The following CECR2 variants were observed in gnomAD, a reference collection of about 807,000 sequenced individuals.
CECR2 encodes CECR2 histone acetyl-lysine reader.
A neutral mutation model predicts 154.5 loss-of-function variants in CECR2; 30 were observed. The ratio of observed to expected loss-of-function variants is 0.19; its 90% confidence interval spans 0.15 to 0.26. The LOEUF is 0.26. Among genes scored for constraint, CECR2 ranks in the 10% least tolerant of loss-of-function variants. CECR2 has a pLI of 1.00. For missense variants in CECR2, 1,743 were observed against 1,829.3 expected, an observed-to-expected ratio of 0.95 and a Z score of 0.86; for synonymous variants, 725 against 683.7, an observed-to-expected ratio of 1.06 and a Z score of -0.94.
At chr22:17,450,911 T>C (rs1350622861) in intron 1 of CECR2, among the ~76,000 whole-genome samples, 1 of 152,208 alleles carries the variant, frequency 6.6e-6, no homozygotes, top group Admixed American at 6.5e-5. Flanking sequence ...ACCATCCTCA[T>C]CTCATACCTG....
intron 8 of CECR2, among the ~76,000 whole-genome samples, chr22:17,522,731 G>A (rs67081002): frequency 0.057 from 8,697 of 152,188 alleles, 590 homozygotes; most frequent in African/African-American, 0.16. Context: ...TGGGCCACGC[G>A]CCATGGCTCA....
intron 1 of CECR2, among the ~76,000 whole-genome samples, chr22:17,408,706 T>C (rs1293719171): frequency 6.6e-6 from 1 of 152,226 alleles, no homozygotes; most frequent in Non-Finnish European, 1.5e-5. Context: ...ACATGTTAGT[T>C]CATCCCATAG....
At chr22:17,410,671 C>T (rs954728398) in intron 1 of CECR2, among the ~76,000 whole-genome samples, 1 of 152,124 alleles carries the variant, frequency 6.6e-6, no homozygotes, top group African/African-American at 2.4e-5. Context: ...TGGTCTCGAA[C>T]TCCTGACCTT....
intron 5 of CECR2, among the ~76,000 whole-genome samples, chr22:17,502,192 G>A (rs1051165113): frequency 2.0e-5 from 3 of 152,162 alleles, no homozygotes; most frequent in African/African-American, 7.2e-5. Flanking sequence ...ACTATTAATA[G>A]CTCCATTTTG....
chr22:17,363,930 C>T (rs2062988782), intron 1 of CECR2, among the ~76,000 whole-genome samples: 1 of 152,154 alleles, frequency 6.6e-6, no homozygotes, highest in Non-Finnish European at 1.5e-5. Flanking sequence ...CCACTATGCC[C>T]AGCCTAATTT....
intron 1 of CECR2, among the ~76,000 whole-genome samples, chr22:17,415,967 G>C (rs1289753552): frequency 6.6e-6 from 1 of 152,132 alleles, no homozygotes; most frequent in African/African-American, 2.4e-5. Context: ...CAGAGGTCCA[G>C]GTTTCCCAGT....
chr22:17,374,672 T>A (rs73876417), intron 1 of CECR2, among the ~76,000 whole-genome samples: 1,960 of 152,342 alleles, frequency 0.013, 47 homozygotes, highest in African/African-American at 0.045. Flanking sequence ...GTATTCTGAT[T>A]GTGCTGCTGT....
chr22:17,487,102 A>G (rs1307908365), intron 2 of CECR2, among the ~76,000 whole-genome samples: 1 of 152,218 alleles, frequency 6.6e-6, no homozygotes, highest in Non-Finnish European at 1.5e-5. Flanking sequence ...TTCTCTTTCA[A>G]TATAAAACTT....
chr22:17,447,478 G>A (rs1451280662), intron 1 of CECR2, among the ~76,000 whole-genome samples: 2 of 152,018 alleles, frequency 1.3e-5, no homozygotes, highest in Non-Finnish European at 2.9e-5. Flanking sequence ...GCTAGACACA[G>A]AGTGCTGATT....
At chr22:17,396,242 CA>C (rs543939674) in intron 1 of CECR2, among the ~76,000 whole-genome samples, 250 of 91,290 alleles carry the variant, frequency 2.7e-3, no homozygotes, top group East Asian at 3.5e-3. Context: ...GACCCTTTCT[CA>C]AAAAAAAAAA....
chr22:17,462,881 C>T (rs1368093443), intron 1 of CECR2, among the ~76,000 whole-genome samples: 1 of 152,164 alleles, frequency 6.6e-6, no homozygotes. Flanking sequence ...CACTGCCCTC[C>T]AGCCTGGGCA....
intron 1 of CECR2, among the ~76,000 whole-genome samples, chr22:17,438,695 C>G (rs998557173): frequency 2.0e-5 from 3 of 151,642 alleles, no homozygotes; most frequent in Admixed American, 2.0e-4. Flanking sequence ...TGGCCCAAAA[C>G]AATTCTTCTT....
At position 17,503,040 on chromosome 22, in the gene CECR2, C is replaced by T. The variant is rs1231425517; in HGVS notation, c.651-42C>T. 2.5e-6 allele frequency: 4 copies of T among 1,591,228 alleles called. No homozygotes were observed. In the Admixed American group the frequency reaches 6.9e-5, roughly 28 times the overall value. On this transcript the variant is annotated intron_variant, in intron 5 of 18. Transcript: ENST00000262608. Reference sequence around the variant, plus strand: ...GGGGTGGCACAGAACAATTTTGGACCTGTCTTTGTTTTAATTGGCACCTCT... The same window carrying T: ...GGGGTGGCACAGAACAATTTTGGACTTGTCTTTGTTTTAATTGGCACCTCT...
chr22:17,492,976 T>C (rs1213728060), intron 2 of CECR2, among the ~76,000 whole-genome samples: 1 of 152,064 alleles, frequency 6.6e-6, no homozygotes, highest in Non-Finnish European at 1.5e-5. Context: ...TATATTTTAT[T>C]TTATTTTATT....
upstream of CECR2, among the ~76,000 whole-genome samples, chr22:17,368,315 T>C (rs1489968202): frequency 6.6e-6 from 1 of 152,172 alleles, no homozygotes; most frequent in Admixed American, 6.5e-5. Flanking sequence ...ATTGTGCCTG[T>C]CACTCAATAA....
intron 8 of CECR2, among the ~76,000 whole-genome samples, chr22:17,513,364 C>G (rs910005534): frequency 6.6e-6 from 1 of 152,160 alleles, no homozygotes; most frequent in African/African-American, 2.4e-5. Context: ...TGAATTGTTA[C>G]GTTACGGAGC....
chr22:17,480,419 TAC>T (rs55977287), intron 2 of CECR2, among the ~76,000 whole-genome samples: 13,833 of 137,264 alleles, frequency 0.1, 715 homozygotes, highest in South Asian at 0.16. Context: ...TCATGTATAA[TAC>T]ACACACACAC....
At chr22:17,419,619 T>C in intron 1 of CECR2, 2 of 330,272 alleles carry the variant, frequency 6.1e-6, no homozygotes, top group Non-Finnish European at 6.0e-6. Context: ...GGAGCTGCCA[T>C]TATGATGATT....
intron 1 of CECR2, among the ~76,000 whole-genome samples, chr22:17,470,448 A>G (rs1356894483): frequency 6.6e-6 from 1 of 151,834 alleles, no homozygotes; most frequent in Non-Finnish European, 1.5e-5. Flanking sequence ...CATTATTCTT[A>G]CACAGGAGAC....
Sources: allele counts gnomAD v4.1 joint callset (sites outside exome capture counted in the v4.1 genomes callset), GRCh38; gene constraint gnomAD v4.1.1; transcripts MANE v1.5; gene names NCBI Gene and HGNC (gene_info 2026-07-23, HGNC 2026-07-21).